The following DLGAP2 variants were observed in gnomAD, a reference collection of about 807,000 sequenced individuals.
The protein encoded by DLGAP2 is disks large-associated protein 2.
DLGAP2 carries 26 observed loss-of-function variants against 100.3 expected under a neutral mutation model. The observed-to-expected ratio is 0.26, with a 90% CI of 0.19 to 0.36. The LOEUF (loss-of-function observed/expected upper bound fraction) is 0.36. DLGAP2 is among the 10% of genes least tolerant of loss of function. DLGAP2 has a pLI of 1.00. For missense variants in DLGAP2, 1,858 were observed against 1,453.2 expected, an observed-to-expected ratio of 1.28 and a Z score of -4.53; for synonymous variants, 886 against 630.1, an observed-to-expected ratio of 1.41 and a Z score of -6.08.
chr8:889,179 C>T (rs552365552), intron 1 of DLGAP2, among the ~76,000 whole-genome samples: 4 of 152,150 alleles, frequency 2.6e-5, no homozygotes, highest in Non-Finnish European at 4.4e-5. Context: ...GCCATTTTCA[C>T]TTCTTTTGTG....
chr8:1,062,466 G>T (rs1045838031), intron 2 of DLGAP2, among the ~76,000 whole-genome samples: 1 of 152,186 alleles, frequency 6.6e-6, no homozygotes, highest in Non-Finnish European at 1.5e-5. Context: ...TGCTGCAGAC[G>T]GAGTGGCAGG....
intron 1 of DLGAP2, among the ~76,000 whole-genome samples, chr8:746,377 C>T (rs1052809196): frequency 3.3e-5 from 5 of 152,186 alleles, no homozygotes; most frequent in Admixed American, 6.5e-5. Flanking sequence ...CTGCAGGCTG[C>T]GGATGAGGAA....
intron 3 of DLGAP2, among the ~76,000 whole-genome samples, chr8:1,335,117 C>T (rs1801245195): frequency 6.6e-6 from 1 of 152,168 alleles, no homozygotes; most frequent in South Asian, 2.1e-4. Flanking sequence ...AACTCCTCAT[C>T]CAAGACACGG....
chr8:1,660,852 G>A (rs1369800846), intron 8 of DLGAP2, among the ~76,000 whole-genome samples: 1 of 152,198 alleles, frequency 6.6e-6, no homozygotes, highest in African/African-American at 2.4e-5. Context: ...AATTGTTTTT[G>A]AGAGAACCTG....
At chr8:1,177,452 C>T (rs559638572) in intron 2 of DLGAP2, among the ~76,000 whole-genome samples, 1 of 151,924 alleles carries the variant, frequency 6.6e-6, no homozygotes, top group Non-Finnish European at 1.5e-5. Flanking sequence ...TTGGGCACAC[C>T]GGAGCAGATG....
At chr8:1,379,300 T>G (rs1455543245) in intron 3 of DLGAP2, among the ~76,000 whole-genome samples, 1 of 152,226 alleles carries the variant, frequency 6.6e-6, no homozygotes, top group Non-Finnish European at 1.5e-5. Flanking sequence ...AGTCACCAGC[T>G]CAGTGCGAGG....
chr8:837,396 A>T (rs890916315), intron 1 of DLGAP2, among the ~76,000 whole-genome samples: 1 of 152,236 alleles, frequency 6.6e-6, no homozygotes, highest in Non-Finnish European at 1.5e-5. Flanking sequence ...TTTATTAAAC[A>T]CCAGTTTTGA....
intron 2 of DLGAP2, among the ~76,000 whole-genome samples, chr8:1,212,044 GCAGAGTGGGCA>G (rs1192507346): frequency 6.6e-6 from 1 of 152,232 alleles, no homozygotes; most frequent in Non-Finnish European, 1.5e-5. Flanking sequence ...AAAGCCTAGA[GCAGAGTGGGCA>G]CACAATTATT....
intron 1 of DLGAP2, among the ~76,000 whole-genome samples, chr8:894,821 T>G (rs187273966): frequency 3.4e-4 from 1 of 2,928 alleles, no homozygotes. Flanking sequence ...CTGGCAGGGG[T>G]GGGGTGGGGA....
intron 2 of DLGAP2, among the ~76,000 whole-genome samples, chr8:1,246,334 T>C (rs1798899711): frequency 6.6e-6 from 1 of 152,234 alleles, no homozygotes; most frequent in Non-Finnish European, 1.5e-5. Flanking sequence ...AGAATGTGAA[T>C]TTCAAGCGAT....
intron 8 of DLGAP2, among the ~76,000 whole-genome samples, chr8:1,635,341 G>A (rs1403899941): frequency 6.6e-6 from 1 of 152,184 alleles, no homozygotes; most frequent in Non-Finnish European, 1.5e-5. Context: ...TGTGATAGCT[G>A]AACTTCAAAT....
intron 2 of DLGAP2, among the ~76,000 whole-genome samples, chr8:1,209,463 G>C (rs755842474): frequency 1.1e-4 from 17 of 152,126 alleles, no homozygotes; most frequent in Non-Finnish European, 1.9e-4. Flanking sequence ...TCCTAGATCT[G>C]TGCTGGTCCC....
intron 1 of DLGAP2, among the ~76,000 whole-genome samples, chr8:801,809 CG>C (rs1585878668): frequency 6.6e-6 from 1 of 152,154 alleles, no homozygotes; most frequent in East Asian, 1.9e-4. Context: ...GGTCCCTGCT[CG>C]GGGATGGCTC....
chr8:1,255,139 AGTGTGTGTCCTC>A (rs1563043628), intron 2 of DLGAP2, among the ~76,000 whole-genome samples: 246 of 25,308 alleles, frequency 9.7e-3, no homozygotes, highest in Non-Finnish European at 0.012. Flanking sequence ...CCGGGCGCTG[AGTGTGTGTCCTC>A]TCCTGCCCGG....
intron 2 of DLGAP2, among the ~76,000 whole-genome samples, chr8:1,038,528 A>T (rs1802199264): frequency 6.6e-6 from 1 of 152,240 alleles, no homozygotes; most frequent in African/African-American, 2.4e-5. Flanking sequence ...TTCTTGAGCA[A>T]CATTTTATGG....
At chr8:926,011 G>A (rs1165153675) in intron 2 of DLGAP2, among the ~76,000 whole-genome samples, 1 of 152,150 alleles carries the variant, frequency 6.6e-6, no homozygotes, top group Non-Finnish European at 1.5e-5. Flanking sequence ...AACTCACTTG[G>A]GCTCCGGGCC....
rs544945511 is a variant in DLGAP2, at chr8:993,514, A to G, written c.73+85548A>G. Among the ~76,000 whole-genome samples the G allele has an allele frequency of 3.2e-4, 47 of 148,728 alleles. 7 individuals are homozygous for G. The East Asian group carries it at 9.2e-3, about 29-fold the overall frequency. ...TTGCCTGGACCCCCTGCACCCCCAT[A>G]CTCGGAGTTCCTGTTCTTCTCTCCC... is the stretch of plus-strand genomic sequence containing the variant. On this transcript the variant is annotated intron_variant, in intron 2 of 14. Coordinates refer to ENST00000637795, the MANE Select transcript of DLGAP2 (RefSeq NM_001346810.2).
intron 2 of DLGAP2, among the ~76,000 whole-genome samples, chr8:1,190,965 G>C (rs965062954): frequency 4.6e-5 from 7 of 152,140 alleles, no homozygotes; most frequent in African/African-American, 1.2e-4. Flanking sequence ...AGCGCAGCGA[G>C]GGGGGTGGGT....
At chr8:1,222,377 C>T (rs1429792090) in intron 2 of DLGAP2, among the ~76,000 whole-genome samples, 1 of 152,172 alleles carries the variant, frequency 6.6e-6, no homozygotes, top group East Asian at 1.9e-4. Context: ...CCAGGGGCTG[C>T]ATGCTCTAAC....
Sources: allele counts gnomAD v4.1 joint callset (sites outside exome capture counted in the v4.1 genomes callset), GRCh38; gene constraint gnomAD v4.1.1; transcripts MANE v1.5; gene names NCBI Gene and HGNC (gene_info 2026-07-23, HGNC 2026-07-21).